The following CNGA1 variants were observed in gnomAD, a reference collection of about 807,000 sequenced individuals.
The protein encoded by CNGA1 is cyclic nucleotide-gated channel alpha-1.
A neutral mutation model predicts 69.7 loss-of-function variants in CNGA1; 53 were observed. That is an observed-to-expected ratio of 0.76 (90% CI 0.61 to 0.96). The LOEUF (loss-of-function observed/expected upper bound fraction) is 0.96, where lower values mean the gene tolerates loss of function less well. Ranked by LOEUF, CNGA1 falls within the 40% of genes least tolerant of loss-of-function variation. The pLI, the probability that CNGA1 is intolerant of heterozygous loss-of-function variation, is 0.00. For missense variants in CNGA1, 739 were observed against 811.2 expected (o/e 0.91, Z 1.08); for synonymous variants, 249 against 283.5 (o/e 0.88, Z 1.22).
In CNGA1 at chr4:47,936,695, T is replaced by C. The variant is rs761341105; in HGVS notation, c.1787A>G (p.Lys596Arg). The change falls in exon 11 of 11, where the codon AAG becomes AGG. Residue 596 changes from lysine to arginine, a missense_variant. Lys to Arg is a conservative substitution (Grantham distance 26). Transcript: ENST00000514170. ...TAGACCATCTTTCATTAAAATCTGCTTCCCTTTCTCTTCCAGCATAGTTTT... is the reference window on the plus strand; with the variant it reads ...TAGACCATCTTTCATTAAAATCTGCCTCCCTTTCTCTTCCAGCATAGTTTT... The part of the protein sequence containing the change: ...DAKTMLEEKG[K>R]QILMKDGLLD... 16 of 1,614,070 alleles carry C rather than the reference T, an allele frequency of 9.9e-6. No homozygotes were observed. In the East Asian group the frequency reaches 3.1e-4, roughly 31 times the overall value.
chr4:47,964,025 T>G (rs1740597717), intron 3 of CNGA1, among the ~76,000 whole-genome samples: 1 of 152,204 alleles, frequency 6.6e-6, no homozygotes, highest in African/African-American at 2.4e-5. Context: ...TTGTAATGTT[T>G]GTGAATGAAC....
chr4:48,003,013 T>C (rs1322368084), intron 2 of CNGA1, among the ~76,000 whole-genome samples: 1 of 152,226 alleles, frequency 6.6e-6, no homozygotes, highest in Non-Finnish European at 1.5e-5. Flanking sequence ...TCTCAGTTAA[T>C]TTACAAAATT....
At chr4:47,984,691 CACAT>C (rs1476927348) in intron 2 of CNGA1, among the ~76,000 whole-genome samples, 23 of 139,784 alleles carry the variant, frequency 1.6e-4, no homozygotes, top group Non-Finnish European at 2.3e-4. Flanking sequence ...CACACACACA[CACAT>C]ATATATATAA....
At chr4:48,006,391 A>AATT (rs1388763399) in intron 2 of CNGA1, among the ~76,000 whole-genome samples, 1 of 152,192 alleles carries the variant, frequency 6.6e-6, no homozygotes, top group Non-Finnish European at 1.5e-5. Context: ...TAACAATTAT[A>AATT]ATTATTACTG....
intron 3 of CNGA1, among the ~76,000 whole-genome samples, chr4:47,964,732 G>T (rs1369850973): frequency 6.6e-6 from 1 of 151,814 alleles, no homozygotes; most frequent in African/African-American, 2.4e-5. Flanking sequence ...GATTTTGATG[G>T]AATTTGCATT....
chr4:47,979,338 A>G (rs965930265), intron 3 of CNGA1, among the ~76,000 whole-genome samples: 12 of 152,014 alleles, frequency 7.9e-5, no homozygotes, highest in African/African-American at 2.4e-4. Flanking sequence ...AAAAAAAAAA[A>G]AAATCTTGGC....
At chr4:48,002,877 G>T (rs1714725367) in intron 2 of CNGA1, among the ~76,000 whole-genome samples, 1 of 152,134 alleles carries the variant, frequency 6.6e-6, no homozygotes, top group South Asian at 2.1e-4. Flanking sequence ...CCCACAGCCT[G>T]ATGGCCTCCC....
chr4:48,008,440 C>A (rs1354097054), intron 2 of CNGA1, among the ~76,000 whole-genome samples: 1 of 152,174 alleles, frequency 6.6e-6, no homozygotes, highest in South Asian at 2.1e-4. Flanking sequence ...TTGTACACAA[C>A]CTTTAAGCTT....
chr4:47,961,629 A>T (rs970796845), intron 3 of CNGA1, among the ~76,000 whole-genome samples: 2 of 152,168 alleles, frequency 1.3e-5, no homozygotes, highest in South Asian at 4.1e-4. Flanking sequence ...CTGTGGTCTC[A>T]GCTATTCAGG....
intron 2 of CNGA1, among the ~76,000 whole-genome samples, chr4:48,005,591 G>A (rs1319473587): frequency 3.3e-5 from 5 of 152,306 alleles, no homozygotes; most frequent in Admixed American, 3.3e-4. Context: ...ATACCTATGA[G>A]TTGGGTAAAT....
intron 3 of CNGA1, among the ~76,000 whole-genome samples, chr4:47,980,721 A>G (rs1021507353): frequency 1.3e-5 from 2 of 151,664 alleles, no homozygotes; most frequent in African/African-American, 4.8e-5. Context: ...GGATCTACCT[A>G]CTCCAGCCTC....
At chr4:47,942,399 T>C (rs965682357) in intron 8 of CNGA1, among the ~76,000 whole-genome samples, 36 of 151,456 alleles carry the variant, frequency 2.4e-4, no homozygotes, top group African/African-American at 8.3e-4. Flanking sequence ...CAGCTATGTT[T>C]TATTAAGCTA....
chr4:47,976,663 A>T (rs944015153), intron 3 of CNGA1, among the ~76,000 whole-genome samples: 3 of 152,044 alleles, frequency 2.0e-5, no homozygotes, highest in African/African-American at 7.2e-5. Flanking sequence ...AAAAGGGTAC[A>T]TTTAAAGTTT....
At chr4:47,990,501 A>G (rs1288567475) in intron 2 of CNGA1, among the ~76,000 whole-genome samples, 3 of 152,128 alleles carry the variant, frequency 2.0e-5, no homozygotes, top group Non-Finnish European at 4.4e-5. Flanking sequence ...TAAGATGTTT[A>G]TCAAGACAAT....
intron 3 of CNGA1, among the ~76,000 whole-genome samples, chr4:47,976,617 T>C (rs957807632): frequency 6.6e-6 from 1 of 152,098 alleles, no homozygotes; most frequent in African/African-American, 2.4e-5. Context: ...TAACCTTTTT[T>C]TCCTACTTCT....
At chr4:48,009,327 G>A (rs527344355) in intron 2 of CNGA1, among the ~76,000 whole-genome samples, 1 of 151,962 alleles carries the variant, frequency 6.6e-6, no homozygotes, top group South Asian at 2.1e-4. Context: ...TTAGCCGAGG[G>A]TGGTGCTGTG....
rs753147472 is a variant in CNGA1 at position 47,949,914 on chromosome 4, G to A, written c.225-19C>T. On this transcript the variant is annotated intron_variant, in intron 5 of 10. Transcript: ENST00000514170. ...CTGCTCCCTGGGAAATGAAAAACAT[G>A]CAGTGAAATCACAGTAGTCACCATC... The A allele has an allele frequency of 5.0e-6, 8 of 1,612,688 alleles. No homozygotes were observed. The East Asian group carries it at 6.7e-5, about 13-fold the overall frequency.
At position 47,965,047 on chromosome 4, in the gene CNGA1, T is replaced by C. The variant is rs527713373; in HGVS notation, c.-14-12344A>G. Among the ~76,000 whole-genome samples the C allele has an allele frequency of 2.2e-3, 342 of 152,316 alleles. 3 individuals are homozygous for C. The highest frequency in any genetic ancestry group is 7.7e-3 in the African/African-American group (321 of 41,586). On this transcript the variant is annotated intron_variant, in intron 3 of 10. Coordinates refer to ENST00000514170, the MANE Select transcript of CNGA1 (RefSeq NM_001379270.1). ...ATTACTTACACAAAATTATTTCCTC[T>C]TTTTAAGAAGCATTTAGTTTTAATG...
intron 2 of CNGA1, among the ~76,000 whole-genome samples, chr4:47,997,110 G>A (rs1221099154): frequency 2.0e-5 from 3 of 152,106 alleles, no homozygotes; most frequent in African/African-American, 7.2e-5. Flanking sequence ...CCTATATAAT[G>A]TTGTGCCTTA....
Sources: gnomAD v4.1 joint callset for allele counts (sites outside exome capture counted in the v4.1 genomes callset) on GRCh38, gnomAD v4.1.1 for gene constraint, MANE v1.5 for transcripts, NCBI Gene and HGNC (gene_info 2026-07-23, HGNC 2026-07-21) for gene names.